DOCK3: variants seen among roughly 807,000 people sequenced by gnomAD.
DOCK3 encodes the protein dedicator of cytokinesis protein 3.
Under a neutral mutation model 265.6 loss-of-function variants are expected in DOCK3, and 60 were observed. The observed-to-expected ratio is 0.23, with a 90% confidence interval of 0.18 to 0.28. The LOEUF (loss-of-function observed/expected upper bound fraction) is 0.28. Ranked by LOEUF, DOCK3 falls within the 10% of genes least tolerant of loss-of-function variation. The pLI, the probability that DOCK3 is intolerant of heterozygous loss-of-function variation, is 1.00. For missense variants in DOCK3, 1,981 were observed against 2,594.3 expected (o/e 0.76, Z 5.14); for synonymous variants, 881 against 938.0 (o/e 0.94, Z 1.11).
intron 4 of DOCK3, chr3:50,901,798 G>A: frequency 2.4e-6 from 1 of 412,246 alleles, no homozygotes; most frequent in Non-Finnish European, 4.9e-6. Context: ...TCTGTGGGTT[G>A]CACCCACTGT....
chr3:50,994,166 A>G (rs2078202339), intron 5 of DOCK3, among the ~76,000 whole-genome samples: 1 of 152,234 alleles, frequency 6.6e-6, no homozygotes, highest in Non-Finnish European at 1.5e-5. Flanking sequence ...GAGGTTTCAT[A>G]CAGAAATGCT....
In DOCK3 at chr3:51,356,442, C is replaced by T; in HGVS notation, c.4452C>T (p.Thr1484=). The T allele has an allele frequency of 6.2e-7, 1 of 1,613,422 alleles. No individual in the cohort carries two copies. Among genetic ancestry groups the T allele is most frequent in the Non-Finnish European group, 8.5e-7 (1 of 1,179,784 alleles). The change falls in exon 43 of 53, where the codon ACC becomes ACT. Residue 1484 remains threonine (T), a synonymous_variant. Coordinates refer to ENST00000266037, the MANE Select transcript of DOCK3 (RefSeq NM_004947.5). ...LWIERTTLTL[T]HSLPGISRWF... ...TTGAACGTACCACACTGACCCTGAC[C>T]CACAGCTTGCCTGGCATCTCTCGGT...
At chr3:51,338,250 A>G (rs1192298383) in intron 35 of DOCK3, 109 bp from the exon 36 acceptor site, 8 of 1,245,944 alleles carry the variant, frequency 6.4e-6, no homozygotes, top group African/African-American at 1.5e-5. Context: ...GTTGGAGGCC[A>G]TCTCAATCTG....
chr3:50,850,703 CTCCTT>C (rs569075926), intron 3 of DOCK3, among the ~76,000 whole-genome samples: 11 of 152,172 alleles, frequency 7.2e-5, no homozygotes, highest in Admixed American at 1.3e-4. Flanking sequence ...TTTTCCCTCT[CTCCTT>C]CTCCTCAGGA....
At chr3:51,335,409 G>C (rs1218625798) in intron 35 of DOCK3, among the ~76,000 whole-genome samples, 1 of 152,108 alleles carries the variant, frequency 6.6e-6, no homozygotes, top group Non-Finnish European at 1.5e-5. Context: ...TCTCTCCCAA[G>C]AGTGGTCTTC....
intron 5 of DOCK3, among the ~76,000 whole-genome samples, chr3:51,054,671 C>A (rs2081135109): frequency 6.6e-6 from 1 of 152,130 alleles, no homozygotes; most frequent in Non-Finnish European, 1.5e-5. Context: ...GATTGCATTA[C>A]CTTTTCATTC....
At chr3:50,930,034 A>G (rs976616197) in intron 4 of DOCK3, among the ~76,000 whole-genome samples, 9 of 152,200 alleles carry the variant, frequency 5.9e-5, no homozygotes, top group Non-Finnish European at 1.2e-4. Context: ...TGAGAGTTCA[A>G]ATACCTTTAC....
chr3:51,249,648 TGGG>T (rs375574220), intron 22 of DOCK3, among the ~76,000 whole-genome samples: 5 of 47,150 alleles, frequency 1.1e-4, no homozygotes, highest in South Asian at 9.7e-4. Context: ...GGGAGGGAGG[TGGG>T]GGGGGGTCAG....
intron 37 of DOCK3, among the ~76,000 whole-genome samples, chr3:51,339,886 T>A (rs2085125358): frequency 6.6e-6 from 1 of 152,238 alleles, no homozygotes; most frequent in Non-Finnish European, 1.5e-5. Flanking sequence ...TAGATAGATT[T>A]GTAGAAACAG....
At chr3:50,753,781 CTTCTG>C (rs1465366486) in intron 1 of DOCK3, among the ~76,000 whole-genome samples, 2 of 152,106 alleles carry the variant, frequency 1.3e-5, no homozygotes, top group African/African-American at 4.8e-5. Flanking sequence ...AATTAAAGTA[CTTCTG>C]ATGATGGTTA....
intron 5 of DOCK3, among the ~76,000 whole-genome samples, chr3:51,021,837 A>G (rs1354583622): frequency 6.6e-6 from 1 of 151,658 alleles, no homozygotes; most frequent in African/African-American, 2.4e-5. Context: ...AATTTTTTGT[A>G]TTTTTAGTAG....
chr3:50,846,398 T>C (rs1261289734), intron 3 of DOCK3, among the ~76,000 whole-genome samples: 1 of 152,176 alleles, frequency 6.6e-6, no homozygotes, highest in Admixed American at 6.5e-5. Flanking sequence ...GATGTGCTGC[T>C]GGATTCAGGT....
chr3:50,727,402 A>T (rs1025162151), intron 1 of DOCK3, among the ~76,000 whole-genome samples: 1 of 152,216 alleles, frequency 6.6e-6, no homozygotes, highest in African/African-American at 2.4e-5. Flanking sequence ...ACATTTAATA[A>T]TGGTGAAAAG....
intron 3 of DOCK3, among the ~76,000 whole-genome samples, chr3:50,865,590 G>C (rs2047104221): frequency 6.6e-6 from 1 of 152,154 alleles, no homozygotes; most frequent in African/African-American, 2.4e-5. Context: ...CTTGGCTGTT[G>C]TTAACAGTGC....
At chr3:50,904,158 A>G (rs2049348762) in intron 4 of DOCK3, among the ~76,000 whole-genome samples, 1 of 152,168 alleles carries the variant, frequency 6.6e-6, no homozygotes, top group Admixed American at 6.6e-5. Context: ...AATCCAGTCT[A>G]TCATTGATGG....
intron 3 of DOCK3, among the ~76,000 whole-genome samples, chr3:50,870,675 G>A (rs147859903): frequency 2.3e-4 from 35 of 151,862 alleles, no homozygotes; most frequent in African/African-American, 8.2e-4. Flanking sequence ...TTGTTTTGTT[G>A]TCTTCTCTTT....
rs2088746836 is a variant in DOCK3, at chr3:51,201,267, A to G, written c.1038-7507A>G. 1.3e-5 allele frequency among the ~76,000 whole-genome samples: 2 copies of G among 150,862 alleles called. 1 individual carries two copies. The highest frequency in any genetic ancestry group is 4.2e-4 in the South Asian group (2 of 4,710). Reference sequence around the variant, plus strand: ...GAGTCAAGACCCATCAGTGTGCTGTATTCAGGAAACCCATCTCACGTGCAG... The same window carrying G: ...GAGTCAAGACCCATCAGTGTGCTGTGTTCAGGAAACCCATCTCACGTGCAG... On this transcript the variant is annotated intron_variant, in intron 12 of 52. Transcript: ENST00000266037.
In DOCK3 at chr3:50,675,140, C is replaced by T. The variant is rs1354491242; in HGVS notation, c.-124C>T. 2 of 618,866 alleles carry T rather than the reference C, an allele frequency of 3.2e-6. No individual in the cohort carries two copies. Among genetic ancestry groups the T allele is most frequent in the Non-Finnish European group, 4.1e-6 (2 of 488,674 alleles). The allele number at this position is 618,866 out of a possible 1,614,324, so 38.3% of individuals were successfully genotyped here. A position where few individuals can be genotyped will look rare whatever the true frequency, so the allele number is the denominator to read the frequency against. The stretch of plus-strand genomic sequence containing the variant: ...GGACGGCCTGTGAGGGATGCGCCGC[C>T]CACTGCCCCGCGCCGCCTGACCGTC... On this transcript the variant is annotated 5_prime_UTR_variant, in exon 1 of 53. Coordinates refer to ENST00000266037, the MANE Select transcript of DOCK3 (RefSeq NM_004947.5). The surrounding 1 kb of genome is among the most constrained non-coding windows in gnomAD (Gnocchi z 6.1).
At chr3:50,936,571 T>C (rs910474813) in intron 5 of DOCK3, among the ~76,000 whole-genome samples, 1 of 152,160 alleles carries the variant, frequency 6.6e-6, no homozygotes, top group African/African-American at 2.4e-5. Context: ...CTAGAGGACA[T>C]TAACACATTA....
Sources: gnomAD v4.1 joint callset for allele counts (sites outside exome capture counted in the v4.1 genomes callset) on GRCh38, gnomAD v4.1.1 for gene constraint, Gnocchi (gnomAD v3.1) non-coding constraint, MANE v1.5 for transcripts, NCBI Gene and HGNC (gene_info 2026-07-23, HGNC 2026-07-21) for gene names.